ADAMTS17: variants seen among roughly 807,000 people sequenced by gnomAD.
The protein encoded by ADAMTS17 is A disintegrin and metalloproteinase with thrombospondin motifs 17.
ADAMTS17 carries 113 observed loss-of-function variants against 141.5 expected under a neutral mutation model. That is an observed-to-expected ratio of 0.80 (90% CI 0.69 to 0.93). The LOEUF (loss-of-function observed/expected upper bound fraction) is 0.93, where lower values mean the gene tolerates loss of function less well. Among genes scored for constraint, ADAMTS17 ranks in the 40% least tolerant of loss-of-function variants. ADAMTS17 has a pLI of 0.00. For synonymous variants in ADAMTS17, 768 were observed against 630.6 expected (o/e 1.22, Z -3.27); for missense variants, 1,659 against 1,517.9 (o/e 1.09, Z -1.54).
intron 8 of ADAMTS17, among the ~76,000 whole-genome samples, chr15:100,171,040 C>T (rs986103607): frequency 1.1e-4 from 16 of 152,250 alleles, no homozygotes; most frequent in African/African-American, 3.6e-4. Flanking sequence ...GCCTCTGTCA[C>T]TGGTTCTCCT....
chr15:100,272,744 G>A, intron 4 of ADAMTS17, among the ~76,000 whole-genome samples: 1 of 151,024 alleles, frequency 6.6e-6, no homozygotes, highest in East Asian at 1.9e-4. Flanking sequence ...AACAGAAGTA[G>A]CAAAAGCAGG....
chr15:100,289,345 A>C (rs1334643908), intron 3 of ADAMTS17, among the ~76,000 whole-genome samples: 2 of 152,174 alleles, frequency 1.3e-5, no homozygotes, highest in Non-Finnish European at 2.9e-5. Flanking sequence ...CAGTAATAAA[A>C]AGCCTACCAA....
chr15:99,977,776 A>G (rs923118352), intron 20 of ADAMTS17, among the ~76,000 whole-genome samples: 3 of 151,754 alleles, frequency 2.0e-5, no homozygotes, highest in African/African-American at 7.3e-5. Context: ...TGAGTCCTCT[A>G]CTCAGATTCT....
intron 15 of ADAMTS17, among the ~76,000 whole-genome samples, chr15:100,087,524 A>G (rs1755427506): frequency 6.6e-6 from 1 of 152,218 alleles, no homozygotes; most frequent in Non-Finnish European, 1.5e-5. Context: ...AGCCAGGCAG[A>G]GACACAACCA....
intron 8 of ADAMTS17, among the ~76,000 whole-genome samples, chr15:100,197,937 C>T (rs1358676240): frequency 6.6e-6 from 1 of 152,178 alleles, no homozygotes; most frequent in East Asian, 1.9e-4. Context: ...GAAAACCAAA[C>T]ACCGCATGTT....
rs756107807 is a variant in ADAMTS17, at chr15:100,054,041, C to A, written c.2151G>T (p.Ser717=). 7 of 1,614,044 alleles carry A rather than the reference C, an allele frequency of 4.3e-6. No homozygotes were observed. Among genetic ancestry groups the A allele is most frequent in the African/African-American group, 1.3e-5 (1 of 74,916 alleles). Residue 717 remains serine (S), a synonymous_variant, in exon 16 of 22, where the codon TCG becomes TCT. Transcript: ENST00000268070. ...SHARGTALKD[S]GKGSINSDWK... ...AGTCACTGTTGATGGACCCCTTACCCGAGTCTTTGAGAGCTAGAAAGCAAG... is the reference window on the plus strand; with the variant it reads ...AGTCACTGTTGATGGACCCCTTACCAGAGTCTTTGAGAGCTAGAAAGCAAG...
At chr15:100,026,705 CTGTTTT>C (rs1263788347) in intron 18 of ADAMTS17, among the ~76,000 whole-genome samples, 1 of 152,218 alleles carries the variant, frequency 6.6e-6, no homozygotes, top group African/African-American at 2.4e-5. Flanking sequence ...GGCATGGCTT[CTGTTTT>C]TAAGTCCCTA....
At chr15:100,274,103 G>T (rs192350297) in intron 4 of ADAMTS17, among the ~76,000 whole-genome samples, 184 of 152,208 alleles carry the variant, frequency 1.2e-3, no homozygotes, top group African/African-American at 4.3e-3. Context: ...CTAACACATG[G>T]TCTATCCTGC....
At chr15:100,154,142 C>T (rs1251946638) in intron 9 of ADAMTS17, among the ~76,000 whole-genome samples, 1 of 152,144 alleles carries the variant, frequency 6.6e-6, no homozygotes, top group African/African-American at 2.4e-5. Flanking sequence ...GATCGCACCA[C>T]TGCACTCCAG....
At position 100,054,062 on chromosome 15, in the gene ADAMTS17, G is replaced by A; in HGVS notation, c.2138-8C>T. The A allele has an allele frequency of 6.2e-7, 1 of 1,614,174 alleles. No individual in the cohort carries two copies. The highest frequency in any genetic ancestry group is 8.5e-7 in the Non-Finnish European group (1 of 1,180,036). ...TACCCGAGTCTTTGAGAGCTAGAAA[G>A]CAAGTTGAAGACCAAAGAATCAAGG... On this transcript the variant is annotated splice_region_variant and splice_polypyrimidine_tract_variant and intron_variant, in intron 15 of 21. Transcript: ENST00000268070.
intron 7 of ADAMTS17, among the ~76,000 whole-genome samples, chr15:100,207,622 A>G (rs1377411818): frequency 2.0e-5 from 3 of 152,226 alleles, no homozygotes; most frequent in African/African-American, 7.2e-5. Context: ...TGAACTAGTT[A>G]CAAAAACGCT....
intron 4 of ADAMTS17, among the ~76,000 whole-genome samples, chr15:100,270,944 A>C (rs971332951): frequency 6.6e-6 from 1 of 151,714 alleles, no homozygotes; most frequent in South Asian, 2.1e-4. Context: ...GGCCAGCGCT[A>C]TTCGACTTTC....
chr15:100,198,218 A>C (rs2041193918), intron 8 of ADAMTS17, among the ~76,000 whole-genome samples: 1 of 152,236 alleles, frequency 6.6e-6, no homozygotes, highest in African/African-American at 2.4e-5. Flanking sequence ...TCATAAAATC[A>C]ATTCAGTGGA....
chr15:99,993,570 C>A lies in ADAMTS17; in HGVS notation c.2797-370G>T, dbSNP rs921871306. Among the ~76,000 whole-genome samples, 8 of 152,134 alleles carry A rather than the reference C, an allele frequency of 5.3e-5. No homozygotes were observed. Among genetic ancestry groups the A allele is most frequent in the African/African-American group, 7.2e-5 (3 of 41,426 alleles). ...CCATGAGTGGGGCAGGGAACAGGGG[C>A]CAGCCGGAGCAAGGTGAGGCCCTAA... is the stretch of plus-strand genomic sequence containing the variant. On this transcript the variant is annotated intron_variant, in intron 19 of 21. Transcript: ENST00000268070. This position sits in a 1 kb window ranked among gnomAD's most constrained non-coding sequence, Gnocchi z 4.3.
intron 15 of ADAMTS17, 141 bp from the exon 16 acceptor site, chr15:100,054,195 A>G (rs2032375286): frequency 4.2e-6 from 4 of 942,940 alleles, no homozygotes; most frequent in Non-Finnish European, 6.8e-6. Flanking sequence ...GAAGCGAGAG[A>G]AGGCGAGTGC....
At chr15:100,157,820 T>G (rs2039505069) in intron 8 of ADAMTS17, among the ~76,000 whole-genome samples, 3 of 151,946 alleles carry the variant, frequency 2.0e-5, no homozygotes, top group Admixed American at 2.0e-4. Flanking sequence ...ATCTATCCAA[T>G]TAGGGTTAAA....
At chr15:100,107,685 G>T (rs766775705) in intron 14 of ADAMTS17, among the ~76,000 whole-genome samples, 3 of 152,144 alleles carry the variant, frequency 2.0e-5, no homozygotes, top group Non-Finnish European at 4.4e-5. Context: ...GAGCTCACCA[G>T]CCCCTTCCAC....
Position 99,993,204 on chromosome 15 carries a change from C to A in ADAMTS17, c.2797-4G>T. The A allele has an allele frequency of 6.2e-7, 1 of 1,614,152 alleles. No individual in the cohort carries two copies. The highest frequency in any genetic ancestry group is 8.5e-7 in the Non-Finnish European group (1 of 1,180,040). On this transcript the variant is annotated splice_polypyrimidine_tract_variant and splice_region_variant and intron_variant, in intron 19 of 21. Transcript: ENST00000268070. This position sits in a 1 kb window ranked among gnomAD's most constrained non-coding sequence, Gnocchi z 4.3. Reference sequence around the variant, plus strand: ...CTTTACCACAGCTGGCAGAGCACTGCAAGACACCATTCAAATATTTAACCG... The same window carrying A: ...CTTTACCACAGCTGGCAGAGCACTGAAAGACACCATTCAAATATTTAACCG...
Position 100,262,378 on chromosome 15 carries a change from T to G in ADAMTS17, c.847A>C (p.Lys283Gln), listed in dbSNP as rs545664488. The G allele has an allele frequency of 4.0e-5, 64 of 1,613,938 alleles. No homozygotes were observed. In the South Asian group the frequency reaches 6.0e-4, roughly 15 times the overall value. The change falls in exon 5 of 22, where the codon AAG becomes CAG. Residue 283 changes from lysine to glutamine, a missense_variant. Coordinates refer to ENST00000268070, the MANE Select transcript of ADAMTS17 (RefSeq NM_139057.4). ...GGACGTTGTCGTAGCAGGACAAGCT[T>G]GGTCACTTGAATGTTAATTTTAATC... is the stretch of plus-strand genomic sequence containing the variant. ...LGIKINIQVT[K>Q]LVLLRQRPAK...
Sources: gnomAD v4.1 joint callset for allele counts (sites outside exome capture counted in the v4.1 genomes callset) on GRCh38, gnomAD v4.1.1 for gene constraint, Gnocchi (gnomAD v3.1) non-coding constraint, MANE v1.5 for transcripts, NCBI Gene and HGNC (gene_info 2026-07-23, HGNC 2026-07-21) for gene names.